Variants in PRELID3A observed in about 807,000 individuals in gnomAD.
The protein encoded by PRELID3A is PRELI domain containing 3A.
In PRELID3A, 27 loss-of-function variants were observed where a neutral mutation model predicts 23.0. The ratio of observed to expected loss-of-function variants is 1.17; its 90% CI spans 0.87 to 1.62. The LOEUF (loss-of-function observed/expected upper bound fraction) is 1.62, where lower values mean the gene tolerates loss of function less well. PRELID3A is among the 40% of genes most tolerant of loss of function. The probability of loss-of-function intolerance (pLI) is 0.00; values close to 1 mark genes in which losing one functional copy is unlikely to be tolerated. For synonymous variants in PRELID3A, 87 were observed against 86.4 expected (o/e 1.01, Z -0.04); for missense variants, 231 against 231.4 (o/e 1.00, Z 0.01).
Position 12,407,991 on chromosome 18 carries a change from T to C in PRELID3A, c.16T>C (p.Ser6Pro). Reference protein sequence around the residue: MKIWSSEHVFGHPWDT... With the variant: MKIWSPEHVFGHPWDT... ...GCCGGCGGCAATGAAGATCTGGAGC[T>C]CGGAGCACGTGTTTGGGTGAGGCCG... Residue 6 changes from serine (S) to proline (P), a missense_variant, in exon 1 of 7, where the codon TCG becomes CCG. Transcript: ENST00000440960. 1 of 1,298,962 alleles carries C rather than the reference T, an allele frequency of 7.7e-7. No individual in the cohort carries two copies. The highest frequency in any genetic ancestry group is 2.5e-5 in the South Asian group (1 of 40,140). 80.5% of individuals were successfully genotyped at this position (1,298,962 alleles called of 1,614,324 possible). A position where few individuals can be genotyped will look rare whatever the true frequency, so the allele number is the denominator to read the frequency against.
chr18:12,429,605 C>G (rs1598867001), intron 6 of PRELID3A, among the ~76,000 whole-genome samples, 169 bp downstream of exon 6: 1 of 152,234 alleles, frequency 6.6e-6, no homozygotes, highest in East Asian at 1.9e-4. Context: ...CATCCTCTTT[C>G]TATTTCATTC....
chr18:12,428,698 G>A (rs2143400729), intron 5 of PRELID3A, among the ~76,000 whole-genome samples: 1 of 152,326 alleles, frequency 6.6e-6, no homozygotes, highest in East Asian at 1.9e-4. Flanking sequence ...AGGCCAAAGG[G>A]GGAGAGCTTT....
rs1438702809 is a variant in PRELID3A, at chr18:12,432,166, G to A, written c.*1050G>A. 1 of 152,228 alleles carries A rather than the reference G, an allele frequency of 6.6e-6. No individual in the cohort carries two copies. The highest frequency in any genetic ancestry group is 2.4e-5 in the African/African-American group (1 of 41,458). 9.4% of individuals were successfully genotyped at this position (152,228 alleles called of 1,614,324 possible). ...GCAAAGCCTTCCAGAAGTTTTCTGT[G>A]CTTATGAAAGCGTATGTGTGGCCTT... is the stretch of plus-strand genomic sequence containing the variant. On this transcript the variant is annotated 3_prime_UTR_variant, in exon 7 of 7. Transcript: ENST00000440960.
intron 3 of PRELID3A, among the ~76,000 whole-genome samples, chr18:12,424,930 G>A (rs1332875297): frequency 6.6e-6 from 1 of 151,860 alleles, no homozygotes; most frequent in Non-Finnish European, 1.5e-5. Flanking sequence ...CTTCTCTGAG[G>A]TCAGGATTTC....
chr18:12,407,936 C>G lies in PRELID3A; in HGVS notation c.-40C>G, dbSNP rs948123561. On this transcript the variant is annotated 5_prime_UTR_variant, in exon 1 of 7. Coordinates refer to ENST00000440960, the MANE Select transcript of PRELID3A (RefSeq NM_001142405.2). The stretch of plus-strand genomic sequence containing the variant: ...CCCGGAGCCGCGCGGCCCGAAGCAC[C>G]CGGCCCGGATCGCAGAGCCCGCGCC... 2.3e-5 allele frequency: 30 copies of G among 1,283,700 alleles called. No individual in the cohort carries two copies. The highest frequency in any genetic ancestry group is 4.1e-5 in the Admixed American group (1 of 24,438). The allele number at this position is 1,283,700 out of a possible 1,614,324, so 79.5% of individuals were successfully genotyped here.
intron 5 of PRELID3A, among the ~76,000 whole-genome samples, chr18:12,428,724 A>G (rs1378252992): frequency 6.6e-6 from 1 of 152,220 alleles, no homozygotes; most frequent in African/African-American, 2.4e-5. Context: ...TGCTGGAGGA[A>G]GGAGACCGGA....
intron 1 of PRELID3A, among the ~76,000 whole-genome samples, chr18:12,419,039 T>C (rs1048689364): frequency 2.0e-5 from 3 of 152,016 alleles, no homozygotes; most frequent in Admixed American, 1.3e-4. Context: ...AAATAAAAAG[T>C]TGGGCTGGGC....
intron 6 of PRELID3A, among the ~76,000 whole-genome samples, chr18:12,430,345 G>A (rs1049404624): frequency 3.4e-5 from 5 of 149,244 alleles, no homozygotes; most frequent in South Asian, 2.1e-4. Context: ...TGTGCTGTGC[G>A]TGGTATGTAT....
intron 2 of PRELID3A, 114 bp downstream of exon 2, chr18:12,420,607 C>G (rs1297395596): frequency 6.1e-4 from 271 of 442,616 alleles, no homozygotes; most frequent in East Asian, 2.2e-3. Context: ...TGGCTGCCAT[C>G]GGGGTGGGAG....
chr18:12,416,398 C>T (rs371985162), intron 1 of PRELID3A, among the ~76,000 whole-genome samples: 62 of 152,324 alleles, frequency 4.1e-4, no homozygotes, highest in Middle Eastern at 3.4e-3. Context: ...CAGCCTCGAC[C>T]TCCGGTCTTA....
chr18:12,429,113 A>G (rs2143402540), intron 5 of PRELID3A, among the ~76,000 whole-genome samples: 1 of 152,192 alleles, frequency 6.6e-6, no homozygotes, highest in African/African-American at 2.4e-5. Flanking sequence ...TGCTGTATTG[A>G]GCTAAGCCGG....
At chr18:12,426,372 G>A (rs1173510127) in intron 3 of PRELID3A, among the ~76,000 whole-genome samples, 1 of 150,172 alleles carries the variant, frequency 6.7e-6, no homozygotes, top group Non-Finnish European at 1.5e-5. Flanking sequence ...GGCTAACACG[G>A]TGAAACTCCG....
At chr18:12,419,677 C>T (rs1785660) in intron 1 of PRELID3A, among the ~76,000 whole-genome samples, 3,573 of 150,608 alleles carry the variant, frequency 0.024, 140 homozygotes, top group African/African-American at 0.083. Flanking sequence ...TGGTGGCTCA[C>T]GCCTGTAATC....
chr18:12,421,683 G>A (rs1033521602), intron 3 of PRELID3A, 54 bp downstream of exon 3: 21 of 1,197,588 alleles, frequency 1.8e-5, no homozygotes, highest in East Asian at 9.3e-5. Flanking sequence ...GTGGTGGTGC[G>A]TAAGGCCTTC....
chr18:12,420,172 G>T, intron 1 of PRELID3A, 153 bp from the exon 2 acceptor site: 1 of 1,431,080 alleles, frequency 7.0e-7, no homozygotes, highest in African/African-American at 1.4e-5. Flanking sequence ...GGCCGGGGAG[G>T]GCTCGCGGGA....
chr18:12,430,596 ATG>A (rs1306181569), intron 6 of PRELID3A, among the ~76,000 whole-genome samples: 2 of 134,232 alleles, frequency 1.5e-5, no homozygotes, highest in Non-Finnish European at 3.2e-5. Flanking sequence ...TGATGTGTAT[ATG>A]TGTGGTGTGT....
chr18:12,417,443 G>A (rs2029998368), intron 1 of PRELID3A, among the ~76,000 whole-genome samples: 1 of 152,132 alleles, frequency 6.6e-6, no homozygotes, highest in Non-Finnish European at 1.5e-5. Flanking sequence ...CACAGTGCTG[G>A]GATTACAGGC....
intron 1 of PRELID3A, among the ~76,000 whole-genome samples, chr18:12,419,325 C>CA (rs71172083): frequency 9.7e-4 from 101 of 104,502 alleles, no homozygotes; most frequent in African/African-American, 2.1e-3. Context: ...GACTCCATAT[C>CA]AAAAAAAAAA....
intron 3 of PRELID3A, chr18:12,422,197 CT>C (rs562964007): frequency 0.016 from 2,156 of 131,078 alleles, 42 homozygotes; most frequent in African/African-American, 0.053. Context: ...TTTCAACGTG[CT>C]TTTTTTTTTT....
Sources: gnomAD v4.1 joint callset for allele counts (sites outside exome capture counted in the v4.1 genomes callset) on GRCh38, gnomAD v4.1.1 for gene constraint, MANE v1.5 for transcripts, NCBI Gene and HGNC (gene_info 2026-07-23, HGNC 2026-07-21) for gene names.